The following PARD3 variants were observed in gnomAD, a reference collection of about 807,000 sequenced individuals.
PARD3 encodes the protein par-3 family cell polarity regulator.
In PARD3, 75 loss-of-function variants were observed where a neutral mutation model predicts 155.4. The observed-to-expected ratio is 0.48, with a 90% CI of 0.40 to 0.58. The LOEUF is 0.58. PARD3 is among the 20% of genes least tolerant of loss of function. PARD3 has a pLI of 0.00. For synonymous variants in PARD3, 576 were observed against 610.5 expected (o/e 0.94, Z 0.83); for missense variants, 1,642 against 1,721.7 (o/e 0.95, Z 0.82).
chr10:34,263,045 TC>T (rs1159252853), intron 22 of PARD3, among the ~76,000 whole-genome samples: 2 of 152,216 alleles, frequency 1.3e-5, no homozygotes, highest in African/African-American at 4.8e-5. Flanking sequence ...AGAATTGCAT[TC>T]CCACACTCCT....
chr10:34,316,551 G>A (rs1318936054), intron 20 of PARD3, among the ~76,000 whole-genome samples: 1 of 152,134 alleles, frequency 6.6e-6, no homozygotes, highest in Non-Finnish European at 1.5e-5. Context: ...TATTAGACTT[G>A]TTATTAATGA....
At chr10:34,237,476 T>C (rs1007792990) in intron 22 of PARD3, among the ~76,000 whole-genome samples, 5 of 152,192 alleles carry the variant, frequency 3.3e-5, no homozygotes, top group African/African-American at 9.6e-5. Flanking sequence ...TTAACAACCA[T>C]GATAGTTTTT....
chr10:34,653,657 C>T (rs373448153), intron 2 of PARD3, among the ~76,000 whole-genome samples: 13 of 152,112 alleles, frequency 8.5e-5, no homozygotes, highest in Middle Eastern at 6.8e-3. Flanking sequence ...TGGTGGTGCA[C>T]CTGTGGTCCC....
chr10:34,213,526 C>T (rs962382617), intron 22 of PARD3, among the ~76,000 whole-genome samples: 1 of 152,224 alleles, frequency 6.6e-6, no homozygotes, highest in South Asian at 2.1e-4. Flanking sequence ...TCACTTCTTA[C>T]ATTCCACTCA....
In PARD3 at chr10:34,371,533, C is replaced by CAACGAAGG. The variant is rs1554841215; in HGVS notation, c.1707+957_1707+964dup. ...AAAAAAAAAAAAAAAAAAAAAAAAA[C>CAACGAAGG]AACGAAGGAATATTTGAAAAATAAC... On this transcript the variant is annotated intron_variant, in intron 12 of 24. Transcript: ENST00000374788. 9.1e-5 allele frequency among the ~76,000 whole-genome samples: 6 copies of CAACGAAGG among 66,076 alleles called. No homozygotes were observed. The East Asian group carries it at 2.3e-3, about 25-fold the overall frequency. 43.3% of individuals were successfully genotyped at this position (66,076 alleles called of 152,430 possible).
At chr10:34,571,461 T>C (rs2086399371) in intron 2 of PARD3, among the ~76,000 whole-genome samples, 1 of 152,220 alleles carries the variant, frequency 6.6e-6, no homozygotes, top group Non-Finnish European at 1.5e-5. Context: ...TGCATTGTTC[T>C]ATGTCTGTTA....
chr10:34,555,747 T>C (rs2084929195), intron 2 of PARD3, among the ~76,000 whole-genome samples: 1 of 152,062 alleles, frequency 6.6e-6, no homozygotes, highest in Admixed American at 6.5e-5. Context: ...GGAAATACCA[T>C]CACCCGCCCA....
intron 19 of PARD3, among the ~76,000 whole-genome samples, chr10:34,323,789 A>G (rs1284887309): frequency 6.6e-6 from 1 of 152,218 alleles, no homozygotes; most frequent in Non-Finnish European, 1.5e-5. Context: ...GTTGCAGAGC[A>G]GGCACAATGA....
At chr10:34,414,003 C>T (rs1388438349) in intron 5 of PARD3, among the ~76,000 whole-genome samples, 1 of 152,126 alleles carries the variant, frequency 6.6e-6, no homozygotes, top group East Asian at 1.9e-4. Context: ...GCCCGGGCAA[C>T]ACAGTGAGAC....
At position 34,254,358 on chromosome 10, in the gene PARD3, G is replaced by A. The variant is rs1012403468; in HGVS notation, c.3419+15299C>T. On this transcript the variant is annotated intron_variant, in intron 22 of 24. Transcript: ENST00000374788. ...CGCACCACTGCACTCCAGCCTGGGCGACAGAGCAAGACTCTGTCTCAAAAA... is the reference window on the plus strand; with the variant it reads ...CGCACCACTGCACTCCAGCCTGGGCAACAGAGCAAGACTCTGTCTCAAAAA... Among the ~76,000 whole-genome samples, 5 of 151,574 alleles carry A rather than the reference G, an allele frequency of 3.3e-5. No homozygotes were observed. In the East Asian group the frequency reaches 7.8e-4, roughly 24 times the overall value.
chr10:34,809,611 C>T lies in PARD3; in HGVS notation c.120+5265G>A, dbSNP rs185015017. ...AGAGGCAGCAAAGTGTATGTGAGTC[C>T]CAGGGGGTGGAGCAGCTGCAGAGGG... On this transcript the variant is annotated intron_variant, in intron 1 of 24. Transcript: ENST00000374788. Among the ~76,000 whole-genome samples, 9 of 152,152 alleles carry T rather than the reference C, an allele frequency of 5.9e-5. No homozygotes were observed. The East Asian group carries it at 1.7e-3, about 29-fold the overall frequency.
At chr10:34,114,020 G>T (rs959631206) in intron 24 of PARD3, among the ~76,000 whole-genome samples, 11 of 152,200 alleles carry the variant, frequency 7.2e-5, no homozygotes, top group Non-Finnish European at 1.3e-4. Context: ...ACTTTAGGAG[G>T]ATGAGGTGGG....
At chr10:34,199,147 A>G (rs1419877709) in intron 22 of PARD3, among the ~76,000 whole-genome samples, 1 of 152,188 alleles carries the variant, frequency 6.6e-6, no homozygotes, top group African/African-American at 2.4e-5. Flanking sequence ...ATCCAATCAG[A>G]TCGTGCCTCC....
intron 22 of PARD3, among the ~76,000 whole-genome samples, chr10:34,214,964 G>T (rs917693617): frequency 6.6e-6 from 1 of 152,116 alleles, no homozygotes; most frequent in Non-Finnish European, 1.5e-5. Context: ...TTTTGTTAAG[G>T]GTTGTCAGAT....
chr10:34,203,884 A>T (rs1197998412), intron 22 of PARD3, among the ~76,000 whole-genome samples: 1 of 152,238 alleles, frequency 6.6e-6, no homozygotes, highest in Non-Finnish European at 1.5e-5. Flanking sequence ...ATGTGAAGAC[A>T]TTTTGTTCAT....
intron 2 of PARD3, among the ~76,000 whole-genome samples, chr10:34,636,055 A>AAAGG (rs937299755): frequency 3.3e-5 from 5 of 152,072 alleles, no homozygotes; most frequent in Non-Finnish European, 5.9e-5. Context: ...AAGAAAGAAG[A>AAAGG]AAGGAAGGAA....
chr10:34,270,018 T>C (rs971022097), intron 21 of PARD3, 119 bp from the exon 22 acceptor site: 23 of 996,496 alleles, frequency 2.3e-5, no homozygotes, highest in Non-Finnish European at 3.4e-5. Context: ...CTATAGAAGA[T>C]CAGTGGTATA....
intron 19 of PARD3, among the ~76,000 whole-genome samples, chr10:34,324,355 G>C (rs536736062): frequency 3.9e-5 from 6 of 152,338 alleles, no homozygotes; most frequent in African/African-American, 1.4e-4. Flanking sequence ...CGGATGCACT[G>C]TGTAGAATCA....
intron 22 of PARD3, among the ~76,000 whole-genome samples, chr10:34,268,760 A>T (rs1206751758): frequency 6.6e-6 from 1 of 151,950 alleles, no homozygotes; most frequent in Non-Finnish European, 1.5e-5. Context: ...GGGGAACATC[A>T]CACACCGGGG....
Sources: allele counts gnomAD v4.1 joint callset (sites outside exome capture counted in the v4.1 genomes callset), GRCh38; gene constraint gnomAD v4.1.1; transcripts MANE v1.5; gene names NCBI Gene and HGNC (gene_info 2026-07-23, HGNC 2026-07-21).